Variants in TULP4 observed in about 807,000 individuals in gnomAD.
TULP4 encodes the protein tubby-related protein 4.
TULP4 carries 16 observed loss-of-function variants against 129.0 expected under a neutral mutation model. The ratio of observed to expected loss-of-function variants is 0.12; its 90% CI spans 0.08 to 0.19. The LOEUF is 0.19. Ranked by LOEUF, TULP4 falls within the 10% of genes least tolerant of loss-of-function variation. TULP4 has a pLI of 1.00. For missense variants in TULP4, 1,842 were observed against 2,059.1 expected, an observed-to-expected ratio of 0.89 and a Z score of 2.04; for synonymous variants, 998 against 854.0, an observed-to-expected ratio of 1.17 and a Z score of -2.94.
chr6:158,353,182 A>C (rs1244565325), intron 1 of TULP4, among the ~76,000 whole-genome samples: 1 of 152,212 alleles, frequency 6.6e-6, no homozygotes, highest in African/African-American at 2.4e-5. Flanking sequence ...TGTGTCTCCC[A>C]GTCCCTGCCT....
intron 1 of TULP4, among the ~76,000 whole-genome samples, chr6:158,368,346 A>G (rs1450927364): frequency 7.2e-5 from 11 of 152,164 alleles, no homozygotes; most frequent in Admixed American, 5.9e-4. Flanking sequence ...GCTGTCACCC[A>G]GGCTGGAGTG....
At chr6:158,462,100 CAA>C (rs1360221561) in intron 6 of TULP4, among the ~76,000 whole-genome samples, 2 of 152,116 alleles carry the variant, frequency 1.3e-5, no homozygotes, top group Non-Finnish European at 2.9e-5. Flanking sequence ...GACAGATTAA[CAA>C]GAGAAAAACA....
At chr6:158,396,713 G>A (rs827968) in intron 1 of TULP4, among the ~76,000 whole-genome samples, 106,006 of 152,128 alleles carry the variant, frequency 0.7, 37,527 homozygotes, top group Middle Eastern at 0.76. Flanking sequence ...AGTGTTTACA[G>A]ATTGATGTCT....
intron 3 of TULP4, among the ~76,000 whole-genome samples, chr6:158,436,265 C>T (rs1778750728): frequency 6.6e-6 from 1 of 152,168 alleles, no homozygotes; most frequent in Non-Finnish European, 1.5e-5. Flanking sequence ...GTTGATTCCA[C>T]TTCCTATGTT....
intron 11 of TULP4, 28 bp from the exon 12 acceptor site, chr6:158,498,641 T>G (rs920005108): frequency 6.2e-7 from 1 of 1,613,928 alleles, no homozygotes; most frequent in Non-Finnish European, 8.5e-7. Context: ...GTGTCTCTGT[T>G]AACTGTGCCC....
chr6:158,436,124 C>G (rs1174471364), intron 3 of TULP4, among the ~76,000 whole-genome samples: 4 of 152,126 alleles, frequency 2.6e-5, no homozygotes, highest in Non-Finnish European at 5.9e-5. Flanking sequence ...CTAGGCTGGT[C>G]TTGAACCGCT....
chr6:158,267,365 T>TA (rs1276552578), intron 1 of TULP4, among the ~76,000 whole-genome samples: 1 of 152,348 alleles, frequency 6.6e-6, no homozygotes, highest in East Asian at 1.9e-4. Context: ...CTGAAGTTGA[T>TA]ATGCCAACAT....
intron 1 of TULP4, among the ~76,000 whole-genome samples, chr6:158,256,522 G>A (rs578029837): frequency 5.9e-5 from 9 of 152,148 alleles, no homozygotes; most frequent in Non-Finnish European, 1.3e-4. Flanking sequence ...AACAAGATTG[G>A]TGGTCTTATT....
chr6:158,305,894 C>T (rs1474030481), intron 1 of TULP4, among the ~76,000 whole-genome samples: 5 of 152,000 alleles, frequency 3.3e-5, no homozygotes, highest in Non-Finnish European at 7.4e-5. Flanking sequence ...TCCTTGGAAA[C>T]TTAATCAGTT....
In TULP4 at chr6:158,498,833, G is replaced by A. The variant is rs368348825; in HGVS notation, c.2014+21G>A. On this transcript the variant is annotated intron_variant, in intron 12 of 13. Transcript: ENST00000367097. ...ACCAGGTGTGTTCACATACATCAAC[G>A]TGTTTGTCACGGTCCCTCTGTCAGT... The A allele has an allele frequency of 2.8e-5, 45 of 1,612,488 alleles. No homozygotes were observed. In the African/African-American group the frequency reaches 4.3e-4, roughly 15 times the overall value.
At chr6:158,505,892 G>C (rs1780589614) in intron 13 of TULP4, among the ~76,000 whole-genome samples, 1 of 151,152 alleles carries the variant, frequency 6.6e-6, no homozygotes, top group Non-Finnish European at 1.5e-5. Context: ...TTTAGATTCA[G>C]GGGTACATGT....
intron 12 of TULP4, among the ~76,000 whole-genome samples, chr6:158,500,950 C>G (rs1220721189): frequency 6.6e-6 from 1 of 152,112 alleles, no homozygotes; most frequent in Non-Finnish European, 1.5e-5. Context: ...GTCCCAGCTA[C>G]TGGGGAGGCT....
chr6:158,349,155 C>T (rs1428947385), intron 1 of TULP4, among the ~76,000 whole-genome samples: 7 of 139,194 alleles, frequency 5.0e-5, no homozygotes, highest in Admixed American at 1.4e-4. Context: ...CAGATACACT[C>T]CTCACTTCCC....
At chr6:158,296,703 C>A (rs1262804831) in intron 1 of TULP4, among the ~76,000 whole-genome samples, 3 of 148,016 alleles carry the variant, frequency 2.0e-5, no homozygotes, top group African/African-American at 7.5e-5. Flanking sequence ...AGAAAGAGTA[C>A]AAAGAGAGGA....
At chr6:158,340,602 G>C (rs574796177) in intron 1 of TULP4, among the ~76,000 whole-genome samples, 3 of 152,222 alleles carry the variant, frequency 2.0e-5, no homozygotes, top group East Asian at 3.9e-4. Flanking sequence ...TCCTTCCCTA[G>C]CCTGCCCTCC....
chr6:158,295,067 T>G (rs890580594), intron 1 of TULP4, among the ~76,000 whole-genome samples: 3 of 152,298 alleles, frequency 2.0e-5, no homozygotes, highest in Admixed American at 6.5e-5. Context: ...GCTGAAACAT[T>G]AGGGTGTTTG....
intron 3 of TULP4, among the ~76,000 whole-genome samples, chr6:158,432,096 G>GAAA (rs762591940): frequency 9.5e-6 from 1 of 105,676 alleles, no homozygotes; most frequent in Admixed American, 1.1e-4. Flanking sequence ...CCCCATCTCT[G>GAAA]AAAAAAAAAA....
At chr6:158,486,917 C>A (rs150946105) in intron 8 of TULP4, among the ~76,000 whole-genome samples, 1 of 152,114 alleles carries the variant, frequency 6.6e-6, no homozygotes, top group African/African-American at 2.4e-5. Flanking sequence ...TCAAGACCAG[C>A]CTGGGCAACA....
chr6:158,347,501 A>G (rs191008381), intron 1 of TULP4, among the ~76,000 whole-genome samples: 16 of 152,334 alleles, frequency 1.1e-4, no homozygotes, highest in Admixed American at 2.0e-4. Flanking sequence ...AATAGTATTT[A>G]CAAGCATCCA....
Sources: allele counts gnomAD v4.1 joint callset (sites outside exome capture counted in the v4.1 genomes callset), GRCh38; gene constraint gnomAD v4.1.1; transcripts MANE v1.5; gene names NCBI Gene and HGNC (gene_info 2026-07-23, HGNC 2026-07-21).